Variants in PITRM1 observed in about 807,000 individuals in gnomAD.
PITRM1 encodes pitrilysin metallopeptidase 1.
A neutral mutation model predicts 129.9 loss-of-function variants in PITRM1; 100 were observed. The ratio of observed to expected loss-of-function variants is 0.77; its 90% CI spans 0.65 to 0.91. The LOEUF (loss-of-function observed/expected upper bound fraction) is 0.91, where lower values mean the gene tolerates loss of function less well. Ranked by LOEUF, PITRM1 falls within the 40% of genes least tolerant of loss-of-function variation. The pLI is 0.00. For synonymous variants in PITRM1, 591 were observed against 508.8 expected, an observed-to-expected ratio of 1.16 and a Z score of -2.17; for missense variants, 1,471 against 1,318.3, an observed-to-expected ratio of 1.12 and a Z score of -1.79.
chr10:3,146,097 G>A, intron 20 of PITRM1: 1 of 187,896 alleles, frequency 5.3e-6, no homozygotes. Flanking sequence ...TTGAAAATGT[G>A]AACTGGTTGT....
rs747039442 is a variant in PITRM1, at chr10:3,170,131, G to C, written c.132C>G (p.Asp44Glu). ...CERALQYKLG[D>E]KIHGFTVNQV... ...GGTTTACGGTGAATCCATGGATCTT[G>C]TCTCCTAGTTTATACTGCAGAGCCC... is the stretch of plus-strand genomic sequence containing the variant. The change falls in exon 2 of 27, where the codon GAC becomes GAG. Residue 44 changes from aspartate to glutamate, a missense_variant. By Grantham distance (45) the Asp-to-Glu change is conservative. Coordinates refer to ENST00000224949, the MANE Select transcript of PITRM1 (RefSeq NM_014889.4). The C allele has an allele frequency of 6.2e-7, 1 of 1,613,716 alleles. No homozygotes were observed. Among genetic ancestry groups the C allele is most frequent in the South Asian group, 1.1e-5 (1 of 91,082 alleles).
rs770738350 is a variant in PITRM1, at chr10:3,165,429, G to A, written c.517C>T (p.Arg173Cys). ...YLDATFFPCL[R>C]ELDFWQEGWR... Reference sequence around the variant, plus strand: ...ATGACATACCAGAAATCCAGCTCGCGTAAACATGGGAAAAAGGTGGCATCC... The same window carrying A: ...ATGACATACCAGAAATCCAGCTCGCATAAACATGGGAAAAAGGTGGCATCC... Residue 173 changes from arginine (R) to cysteine (C), a missense_variant, in exon 5 of 27, where the codon CGC (arginine) becomes TGC (cysteine). Physicochemically the swap from Arg to Cys is radical, Grantham distance 180 (BLOSUM62 -3). Transcript: ENST00000224949. 1.2e-5 allele frequency: 20 copies of A among 1,612,554 alleles called. No homozygotes were observed. Among genetic ancestry groups the A allele is most frequent in the Middle Eastern group, 1.6e-4 (1 of 6,082 alleles).
intron 9 of PITRM1, 52 bp from the exon 10 acceptor site, chr10:3,159,094 T>C: frequency 6.7e-7 from 1 of 1,498,920 alleles, no homozygotes; most frequent in Non-Finnish European, 9.1e-7. Flanking sequence ...AAAGGGAAAA[T>C]TACTGGCCCT....
intron 7 of PITRM1, among the ~76,000 whole-genome samples, chr10:3,162,401 T>C (rs1842531391): frequency 6.6e-6 from 1 of 152,146 alleles, no homozygotes; most frequent in African/African-American, 2.4e-5. Flanking sequence ...ATAAAGTAAT[T>C]GATTCAGGCA....
chr10:3,160,045 A>T (rs933254090), intron 8 of PITRM1, 109 bp from the exon 9 acceptor site: 1 of 1,245,556 alleles, frequency 8.0e-7, no homozygotes, highest in Non-Finnish European at 1.1e-6. Context: ...CACTAAGTTA[A>T]CTTTCCTTTC....
At chr10:3,162,188 C>G (rs959578100) in intron 7 of PITRM1, among the ~76,000 whole-genome samples, 2 of 151,458 alleles carry the variant, frequency 1.3e-5, no homozygotes, top group African/African-American at 4.9e-5. Context: ...AACAAGACAG[C>G]CTCTTCTGTC....
chr10:3,153,814 T>C (rs1841733798), intron 14 of PITRM1, among the ~76,000 whole-genome samples: 2 of 152,228 alleles, frequency 1.3e-5, no homozygotes, highest in African/African-American at 4.8e-5. Context: ...AGCCTGACAA[T>C]TTCTCACAGA....
At position 3,172,705 on chromosome 10, in the gene PITRM1, G is replaced by C. The variant is rs576129414; in HGVS notation, c.56+12C>G. 9 of 1,534,734 alleles carry C rather than the reference G, an allele frequency of 5.9e-6. No homozygotes were observed. In the South Asian group the frequency reaches 1.1e-4, roughly 19 times the overall value. On this transcript the variant is annotated intron_variant, in intron 1 of 26. Coordinates refer to ENST00000224949, the MANE Select transcript of PITRM1 (RefSeq NM_014889.4). ...ACCAGCGCGCCGAGCGCCTCCCGTC[G>C]CAGCGTCTCACCCGCCGCTCAGCCG...
In PITRM1 at chr10:3,138,150, C is replaced by G. The variant is rs141669211; in HGVS notation, c.3021-26G>C. The G allele has an allele frequency of 2.0e-5, 31 of 1,587,692 alleles. No homozygotes were observed. In the South Asian group the frequency reaches 2.9e-4, roughly 15 times the overall value. On this transcript the variant is annotated intron_variant, in intron 26 of 26. Transcript: ENST00000224949. ...CTGAGAGGAAGGCAGGCGTGGTCAG[C>G]AAGGACTGGCTTCTGCGTGAGCGCT...
At chr10:3,154,053 G>A (rs1030662221) in intron 14 of PITRM1, among the ~76,000 whole-genome samples, 2 of 152,058 alleles carry the variant, frequency 1.3e-5, no homozygotes, top group African/African-American at 2.4e-5. Flanking sequence ...ACCACACCCC[G>A]ACTGGGCCTC....
intron 24 of PITRM1, among the ~76,000 whole-genome samples, chr10:3,140,431 C>T (rs778711091): frequency 3.9e-5 from 6 of 152,214 alleles, no homozygotes; most frequent in Non-Finnish European, 7.3e-5. Context: ...GAGGCACTAC[C>T]GTGTTCTGCC....
intron 9 of PITRM1, 66 bp from the exon 10 acceptor site, chr10:3,159,108 G>A (rs549001519): frequency 6.5e-6 from 9 of 1,374,648 alleles, no homozygotes; most frequent in South Asian, 4.0e-5. Flanking sequence ...TGGCCCTTAT[G>A]CACATTTTAT....
Position 3,148,340 on chromosome 10 carries a change from A to G in PITRM1, c.1872-49T>C, listed in dbSNP as rs775960766. Reference sequence around the variant, plus strand: ...CCCGATTACAAGTCAGTCTTTACTGAATCATTTTTAAAATCGTGCATCTTG... The same window carrying G: ...CCCGATTACAAGTCAGTCTTTACTGGATCATTTTTAAAATCGTGCATCTTG... On this transcript the variant is annotated intron_variant, in intron 16 of 26. Transcript: ENST00000224949. 3 of 1,534,744 alleles carry G rather than the reference A, an allele frequency of 2.0e-6. No individual in the cohort carries two copies. The African/African-American group carries it at 4.2e-5, about 21-fold the overall frequency.
intron 1 of PITRM1, among the ~76,000 whole-genome samples, chr10:3,170,805 G>A (rs1306267372): frequency 6.6e-6 from 1 of 151,978 alleles, no homozygotes; most frequent in Non-Finnish European, 1.5e-5. Context: ...AGACCAGCCT[G>A]GCCAAAAATT....
chr10:3,140,448 T>A (rs1266998907), intron 24 of PITRM1, among the ~76,000 whole-genome samples: 1 of 152,208 alleles, frequency 6.6e-6, no homozygotes, highest in Non-Finnish European at 1.5e-5. Flanking sequence ...TGCCAAAATA[T>A]GCTGGCTGAA....
intron 23 of PITRM1, among the ~76,000 whole-genome samples, chr10:3,141,210 A>C (rs1417231582): frequency 6.6e-6 from 1 of 152,244 alleles, no homozygotes; most frequent in African/African-American, 2.4e-5. Context: ...CTGAGCTTAC[A>C]GGCATGAGAT....
rs542425979 is a variant in PITRM1, at chr10:3,140,617, C to T, written c.2771+70G>A. ...AATTCACTGCAGTAGAAGAAAATGA[C>T]ACTGATAATCATGAGTAGAAGACTA... On this transcript the variant is annotated intron_variant, in intron 24 of 26. Coordinates refer to ENST00000224949, the MANE Select transcript of PITRM1 (RefSeq NM_014889.4). 4 of 1,387,916 alleles carry T rather than the reference C, an allele frequency of 2.9e-6. No homozygotes were observed. The South Asian group carries it at 3.8e-5, about 13-fold the overall frequency. 86.0% of individuals were successfully genotyped at this position (1,387,916 alleles called of 1,614,324 possible). A position where few individuals can be genotyped will look rare whatever the true frequency, so the allele number is the denominator to read the frequency against.
intron 23 of PITRM1, among the ~76,000 whole-genome samples, chr10:3,142,283 C>T (rs1231987162): frequency 6.6e-6 from 1 of 152,196 alleles, no homozygotes; most frequent in Non-Finnish European, 1.5e-5. Flanking sequence ...ACGTTTCTTC[C>T]CGCCTGCCTC....
chr10:3,170,336 A>C (rs1843229597), intron 1 of PITRM1, 130 bp from the exon 2 acceptor site: 6 of 650,514 alleles, frequency 9.2e-6, no homozygotes, highest in Non-Finnish European at 1.6e-5. Context: ...GCATCTTCCA[A>C]AGTCTTGCAC....
Sources: gnomAD v4.1 joint callset for allele counts (sites outside exome capture counted in the v4.1 genomes callset) on GRCh38, gnomAD v4.1.1 for gene constraint, MANE v1.5 for transcripts, NCBI Gene and HGNC (gene_info 2026-07-23, HGNC 2026-07-21) for gene names.